Variants in SLC4A4 observed in about 807,000 individuals in gnomAD.
SLC4A4 encodes the protein electrogenic sodium bicarbonate cotransporter 1.
A neutral mutation model predicts 111.5 loss-of-function variants in SLC4A4; 27 were observed. That is an observed-to-expected ratio of 0.24 (90% CI 0.18 to 0.33). The LOEUF (loss-of-function observed/expected upper bound fraction) is 0.33, where lower values mean the gene tolerates loss of function less well. SLC4A4 is among the 10% of genes least tolerant of loss of function. The pLI is 1.00. For missense variants in SLC4A4, 909 were observed against 1,315.5 expected, an observed-to-expected ratio of 0.69 and a Z score of 4.78; for synonymous variants, 443 against 463.4, an observed-to-expected ratio of 0.96 and a Z score of 0.57.
At chr4:71,147,136 C>T (rs1744197429) in intron 2 of SLC4A4, among the ~76,000 whole-genome samples, 1 of 152,104 alleles carries the variant, frequency 6.6e-6, no homozygotes, top group Non-Finnish European at 1.5e-5. Flanking sequence ...TCAAAAGAGA[C>T]AAAGAAGGCC....
Position 71,154,929 on chromosome 4 carries a change from T to A in SLC4A4, c.-2+62137T>A, listed in dbSNP as rs571104551. On this transcript the variant is annotated intron_variant, in intron 2 of 26. Coordinates refer to the SLC4A4 transcript ENST00000649996. ...ATTTAAAAATGAAAAAAAGAAAAAA[T>A]TTCATTCATAATTCCTTTTATTCTT... Among the ~76,000 whole-genome samples, 46 of 152,112 alleles carry A rather than the reference T, an allele frequency of 3.0e-4. No homozygotes were observed. The East Asian group carries it at 7.9e-3, about 26-fold the overall frequency.
chr4:71,156,515 A>T (rs1744467511), intron 2 of SLC4A4, among the ~76,000 whole-genome samples: 1 of 151,214 alleles, frequency 6.6e-6, no homozygotes, highest in South Asian at 2.1e-4. Flanking sequence ...TGGTATAAAG[A>T]CGGTAAAATT....
At chr4:71,309,778 T>G (rs1211017612) in intron 3 of SLC4A4, among the ~76,000 whole-genome samples, 1 of 152,068 alleles carries the variant, frequency 6.6e-6, no homozygotes, top group Non-Finnish European at 1.5e-5. Context: ...CTCTTCTCCT[T>G]CAAATGATCG....
In SLC4A4 at chr4:71,489,878, C is replaced by T. The variant is rs1729745835; in HGVS notation, c.1974+2860C>T. 2.0e-5 allele frequency among the ~76,000 whole-genome samples: 3 copies of T among 151,756 alleles called. No homozygotes were observed. In the South Asian group the frequency reaches 6.2e-4, roughly 31 times the overall value. The stretch of plus-strand genomic sequence containing the variant: ...TGTCAGATGAAGGAAGGTCTTTTCC[C>T]TTCAGCTTCACTAGCATGAAGACAA... On this transcript the variant is annotated intron_variant, in intron 15 of 25. Transcript: ENST00000264485.
chr4:71,334,135 A>G (rs1460443224), intron 3 of SLC4A4, among the ~76,000 whole-genome samples: 7 of 152,110 alleles, frequency 4.6e-5, no homozygotes, highest in African/African-American at 1.7e-4. Context: ...ACCTGAAGCC[A>G]GCATAGCTCT....
intron 7 of SLC4A4, among the ~76,000 whole-genome samples, chr4:71,414,315 C>T (rs1452553910): frequency 6.6e-6 from 1 of 152,204 alleles, no homozygotes; most frequent in Non-Finnish European, 1.5e-5. Flanking sequence ...AGGCCTGAAG[C>T]ACCAGCCCTG....
At chr4:71,500,092 T>C (rs575430689) in intron 16 of SLC4A4, among the ~76,000 whole-genome samples, 2 of 152,308 alleles carry the variant, frequency 1.3e-5, no homozygotes, top group African/African-American at 4.8e-5. Flanking sequence ...CCAACACTTA[T>C]CTTTTGTCTT....
At chr4:71,532,365 G>A (rs940337231) in intron 17 of SLC4A4, among the ~76,000 whole-genome samples, 190 bp downstream of exon 17, 21 of 152,048 alleles carry the variant, frequency 1.4e-4, no homozygotes, top group African/African-American at 4.3e-4. Context: ...GTCAAGACTA[G>A]GGTTTTTATT....
intron 2 of SLC4A4, among the ~76,000 whole-genome samples, chr4:71,103,109 G>C (rs1275601423): frequency 1.2e-4 from 18 of 151,474 alleles, no homozygotes; most frequent in Admixed American, 2.6e-4. Context: ...AAAAAAGGCA[G>C]GGGTTGCAAT....
At chr4:71,512,105 A>C (rs1203246623) in intron 16 of SLC4A4, among the ~76,000 whole-genome samples, 1 of 151,950 alleles carries the variant, frequency 6.6e-6, no homozygotes, top group Non-Finnish European at 1.5e-5. Flanking sequence ...TATCCCTTTG[A>C]TATAGTGATT....
chr4:71,359,598 T>TA (rs2148915993), intron 6 of SLC4A4, among the ~76,000 whole-genome samples: 1 of 152,292 alleles, frequency 6.6e-6, no homozygotes, highest in African/African-American at 2.4e-5. Context: ...TTAATATCTT[T>TA]AAAAAACTAT....
intron 3 of SLC4A4, among the ~76,000 whole-genome samples, chr4:71,319,882 C>G (rs1726983430): frequency 6.6e-6 from 1 of 151,880 alleles, no homozygotes; most frequent in African/African-American, 2.4e-5. Context: ...AATTCGGATC[C>G]CATCACTCCA....
chr4:71,148,290 C>T (rs1180781429), intron 2 of SLC4A4, among the ~76,000 whole-genome samples: 1 of 151,948 alleles, frequency 6.6e-6, no homozygotes, highest in African/African-American at 2.4e-5. Context: ...TAAAGTTTTT[C>T]CCACTGGTCT....
At chr4:71,342,085 A>G (rs550281120) in intron 4 of SLC4A4, among the ~76,000 whole-genome samples, 1 of 152,250 alleles carries the variant, frequency 6.6e-6, no homozygotes, top group South Asian at 2.1e-4. Flanking sequence ...TTCTTCTTCT[A>G]ATTAAAAAAG....
In SLC4A4 at chr4:71,124,213, G is replaced by A. The variant is rs927675082; in HGVS notation, c.-2+31421G>A. On this transcript the variant is annotated intron_variant, in intron 2 of 26. Transcript: ENST00000649996. The stretch of plus-strand genomic sequence containing the variant: ...TTTTGTGACAGAGTCTTGCCCTGTC[G>A]CCAGGCTAGAGTGCAGTGGTGCGAT... Among the ~76,000 whole-genome samples the A allele has an allele frequency of 4.1e-4, 58 of 140,478 alleles. 1 individual carries two copies. The highest frequency in any genetic ancestry group is 1.5e-4 in the Admixed American group (2 of 13,242). 92.2% of individuals were successfully genotyped at this position (140,478 alleles called of 152,430 possible).
intron 3 of SLC4A4, among the ~76,000 whole-genome samples, chr4:71,313,423 A>C (rs1399665960): frequency 6.6e-6 from 1 of 152,218 alleles, no homozygotes; most frequent in Non-Finnish European, 1.5e-5. Flanking sequence ...ATTAGAAAAA[A>C]ACTACTTTAA....
intron 2 of SLC4A4, among the ~76,000 whole-genome samples, chr4:71,132,003 T>C (rs1160939754): frequency 6.6e-6 from 1 of 152,198 alleles, no homozygotes; most frequent in Non-Finnish European, 1.5e-5. Context: ...GTTGTCTTTG[T>C]TGGAAAGAAA....
chr4:71,472,800 A>G lies in SLC4A4; in HGVS notation c.1733A>G (p.Gln578Arg), dbSNP rs1326897852. 3.7e-6 allele frequency: 6 copies of G among 1,612,942 alleles called. No homozygotes were observed. The highest frequency in any genetic ancestry group is 5.1e-6 in the Non-Finnish European group (6 of 1,179,400). The change falls in exon 14 of 26, where the codon CAA becomes CGA. Residue 578 changes from glutamine to arginine, a missense_variant. Physicochemically the swap from Gln to Arg is conservative, Grantham distance 43. Coordinates refer to ENST00000264485, the MANE Select transcript of SLC4A4 (RefSeq NM_001098484.3). The part of the protein sequence containing the change: ...LVATDASFLV[Q>R]YFTRFTEEGF... ...GCCACTGATGCCAGCTTCTTGGTTC[A>G]ATACTTCACACGTTTCACGGAGGAG...
chr4:71,357,050 C>A lies in SLC4A4; in HGVS notation c.593C>A (p.Pro198His). The change falls in exon 6 of 26, where the codon CCT becomes CAT. Residue 198 changes from proline (P) to histidine (H), a missense_variant. By Grantham distance (77) the Pro-to-His change is moderately conservative. This residue lies in a region of SLC4A4 where 312 missense variants were observed against 402.0 expected (regional missense o/e 0.78). Coordinates refer to ENST00000264485, the MANE Select transcript of SLC4A4 (RefSeq NM_001098484.3). Reference protein sequence around the residue: ...DHQIETGLLKPELKDKVTYTL... With the variant: ...DHQIETGLLKHELKDKVTYTL... ...CAGATTGAGACAGGCCTATTGAAAC[C>A]TGAACTTAAGGATAAGGTGACCTAT... is the stretch of plus-strand genomic sequence containing the variant. 6.2e-7 allele frequency: 1 copy of A among 1,614,072 alleles called. No individual in the cohort carries two copies. Among genetic ancestry groups the A allele is most frequent in the Non-Finnish European group, 8.5e-7 (1 of 1,179,978 alleles).
Sources: allele counts gnomAD v4.1 joint callset (sites outside exome capture counted in the v4.1 genomes callset), GRCh38; gene constraint gnomAD v4.1.1; regional missense constraint gnomAD v4.1.1; transcripts MANE v1.5; gene names NCBI Gene and HGNC (gene_info 2026-07-23, HGNC 2026-07-21).